Variants in CTIF observed in about 807,000 individuals in gnomAD.
The protein encoded by CTIF is CBP80/20-dependent translation initiation factor.
CTIF carries 21 observed loss-of-function variants against 66.0 expected under a neutral mutation model. The observed-to-expected ratio is 0.32, with a 90% CI of 0.23 to 0.46. CTIF has a LOEUF of 0.46. CTIF is among the 20% of genes least tolerant of loss of function. CTIF has a pLI of 1.00. For missense variants in CTIF, 739 were observed against 812.7 expected, an observed-to-expected ratio of 0.91 and a Z score of 1.10; for synonymous variants, 345 against 326.4, an observed-to-expected ratio of 1.06 and a Z score of -0.62.
Position 48,539,100 on chromosome 18 carries a change from C to A in CTIF, c.-241C>A, listed in dbSNP as rs376600764. 2.0e-5 allele frequency: 3 copies of A among 148,232 alleles called. No homozygotes were observed. The highest frequency in any genetic ancestry group is 3.0e-5 in the Non-Finnish European group (2 of 66,850). The allele number at this position is 148,232 out of a possible 1,614,324, so 9.2% of individuals were successfully genotyped here. A position where few individuals can be genotyped will look rare whatever the true frequency, so the allele number is the denominator to read the frequency against. The stretch of plus-strand genomic sequence containing the variant: ...TTTTTCCTTCCTCTACTCCCTCCCC[C>A]CTACCCGCCCCTCCCTCCCTGTTTC... On this transcript the variant is annotated 5_prime_UTR_variant, in exon 1 of 12. Transcript: ENST00000256413.
chr18:48,736,379 G>A (rs2092503156), intron 7 of CTIF, among the ~76,000 whole-genome samples: 1 of 152,102 alleles, frequency 6.6e-6, no homozygotes, highest in Admixed American at 6.5e-5. Flanking sequence ...TGGGGTTTGG[G>A]GTCCCCTTCT....
chr18:48,758,438 C>T (rs1377947644), intron 8 of CTIF, 33 bp downstream of exon 8: 3 of 1,555,174 alleles, frequency 1.9e-6, no homozygotes, highest in Non-Finnish European at 2.6e-6. Context: ...TCTTCTCTTG[C>T]ACCAGGGAGG....
intron 1 of CTIF, among the ~76,000 whole-genome samples, chr18:48,606,045 A>G (rs2090194073): frequency 6.6e-6 from 1 of 152,154 alleles, no homozygotes; most frequent in African/African-American, 2.4e-5. Flanking sequence ...CTGGCTTGGC[A>G]ATCTGTTGTG....
At chr18:48,796,631 G>A (rs976314105) in intron 9 of CTIF, among the ~76,000 whole-genome samples, 10 of 152,100 alleles carry the variant, frequency 6.6e-5, no homozygotes, top group African/African-American at 1.4e-4. Flanking sequence ...GTGGCCATCC[G>A]AACCTCTGCC....
chr18:48,818,686 C>A (rs2068420430), intron 10 of CTIF, among the ~76,000 whole-genome samples: 1 of 152,052 alleles, frequency 6.6e-6, no homozygotes, highest in Admixed American at 6.6e-5. Context: ...TAAGAACCCT[C>A]ACAGCAGCCC....
chr18:48,598,919 CTT>C (rs1378084395), intron 1 of CTIF, among the ~76,000 whole-genome samples: 1 of 152,220 alleles, frequency 6.6e-6, no homozygotes, highest in Non-Finnish European at 1.5e-5. Flanking sequence ...CAGCAAGACT[CTT>C]TCTCACCCCT....
Position 48,621,476 on chromosome 18 carries a change from G to T in CTIF, c.180+1731G>T, listed in dbSNP as rs536199830. On this transcript the variant is annotated intron_variant, in intron 2 of 11. Transcript: ENST00000256413. ...GATGAGGACTGTGTCGTCAGGAGGT[G>T]CGAGTCCTGAGCCCTGGAGTGGCCC... The T allele has an allele frequency of 6.5e-5, 21 of 322,596 alleles. 2 individuals are homozygous for T. The highest frequency in any genetic ancestry group is 2.8e-4 in the African/African-American group (12 of 43,144). The allele number at this position is 322,596 out of a possible 1,614,324, so 20.0% of individuals were successfully genotyped here. A position where few individuals can be genotyped will look rare whatever the true frequency, so the allele number is the denominator to read the frequency against.
At chr18:48,541,697 A>G (rs1248812103) in intron 1 of CTIF, among the ~76,000 whole-genome samples, 1 of 152,200 alleles carries the variant, frequency 6.6e-6, no homozygotes. Context: ...TGTGTCAAGT[A>G]TCTGTCCTGG....
intron 1 of CTIF, among the ~76,000 whole-genome samples, chr18:48,555,112 G>T (rs1264980781): frequency 6.6e-6 from 1 of 152,186 alleles, no homozygotes; most frequent in African/African-American, 2.4e-5. Context: ...TCCTAAAATG[G>T]GGACACGGAA....
intron 9 of CTIF, among the ~76,000 whole-genome samples, chr18:48,783,551 A>G (rs1911440319): frequency 6.6e-6 from 1 of 152,172 alleles, no homozygotes; most frequent in Non-Finnish European, 1.5e-5. Flanking sequence ...GCCCGGGGAT[A>G]AGAGGAACTG....
chr18:48,724,848 C>T (rs1292922315), intron 7 of CTIF, among the ~76,000 whole-genome samples: 1 of 152,258 alleles, frequency 6.6e-6, no homozygotes, highest in African/African-American at 2.4e-5. Context: ...AAGCTGCTGC[C>T]TGGAGCCCAC....
chr18:48,555,479 T>C (rs900891858), intron 1 of CTIF, among the ~76,000 whole-genome samples: 1 of 152,066 alleles, frequency 6.6e-6, no homozygotes, highest in Admixed American at 6.6e-5. Context: ...CTGCCCAAAG[T>C]GACTGTGATG....
intron 1 of CTIF, among the ~76,000 whole-genome samples, chr18:48,546,869 T>C (rs2088764338): frequency 6.6e-6 from 1 of 152,124 alleles, no homozygotes; most frequent in Non-Finnish European, 1.5e-5. Context: ...AGAAAAATCT[T>C]CCCTAGAAAT....
At chr18:48,666,413 A>C (rs1460110641) in intron 5 of CTIF, among the ~76,000 whole-genome samples, 1 of 152,228 alleles carries the variant, frequency 6.6e-6, no homozygotes, top group African/African-American at 2.4e-5. Flanking sequence ...TCAGAGAAGC[A>C]AAGTAACTTG....
intron 1 of CTIF, among the ~76,000 whole-genome samples, chr18:48,617,744 C>T (rs2090423853): frequency 6.6e-6 from 1 of 152,214 alleles, no homozygotes; most frequent in Non-Finnish European, 1.5e-5. Context: ...CTGCTGCCAC[C>T]CTTGCCTCCA....
At position 48,857,636 on chromosome 18, in the gene CTIF, A is replaced by G. The variant is rs767554915; in HGVS notation, c.1576A>G (p.Met526Val). 15 of 1,606,838 alleles carry G rather than the reference A, an allele frequency of 9.3e-6. No individual in the cohort carries two copies. The highest frequency in any genetic ancestry group is 2.2e-5 in the South Asian group (2 of 89,748). ...GGAAGATGCTGTCCTTTGCTGCTCT[A>G]TGGAGGTAAGCTTTGGGGCTTCGAC... ...VKEDAVLCCS[M>V]ELQSTGRLLE... Residue 526 changes from methionine to valine, a missense_variant, in exon 11 of 12, where the codon ATG (methionine) becomes GTG (valine). Physicochemically the swap from Met to Val is conservative, Grantham distance 21. This residue lies in a region of CTIF where 210 missense variants were observed against 292.3 expected (regional missense o/e 0.72). Transcript: ENST00000256413.
chr18:48,758,434 C>T (rs750860562), intron 8 of CTIF, 29 bp downstream of exon 8: 7 of 1,557,408 alleles, frequency 4.5e-6, no homozygotes, highest in Non-Finnish European at 5.2e-6. Flanking sequence ...TTGTTCTTCT[C>T]TTGCACCAGG....
rs188631779 is a variant in CTIF at position 48,608,154 on chromosome 18, G to A, written c.-28-11384G>A. ...AGGTGAGAGTGAGGCTGTGAGCAGC[G>A]GGGAGGCATTAGAGAGTGTATGGGT... On this transcript the variant is annotated intron_variant, in intron 1 of 11. Transcript: ENST00000256413. 1.4e-3 allele frequency among the ~76,000 whole-genome samples: 208 copies of A among 152,148 alleles called. 1 individual carries two copies. The highest frequency in any genetic ancestry group is 8.7e-3 in the Admixed American group (133 of 15,276).
intron 6 of CTIF, among the ~76,000 whole-genome samples, chr18:48,686,545 C>T (rs899348205): frequency 3.3e-5 from 5 of 151,792 alleles, no homozygotes; most frequent in African/African-American, 1.2e-4. Context: ...CGTTTTTTTA[C>T]TCTCTCCTCC....
Sources: allele counts gnomAD v4.1 joint callset (sites outside exome capture counted in the v4.1 genomes callset), GRCh38; gene constraint gnomAD v4.1.1; regional missense constraint gnomAD v4.1.1; transcripts MANE v1.5; gene names NCBI Gene and HGNC (gene_info 2026-07-23, HGNC 2026-07-21).